Variants in POLR3G observed in about 807,000 individuals in gnomAD.
POLR3G encodes the protein RNA polymerase III subunit G.
POLR3G carries 28 observed loss-of-function variants against 30.1 expected under a neutral mutation model. The observed-to-expected ratio is 0.93, with a 90% CI of 0.69 to 1.27. The LOEUF is 1.27. Among genes scored for constraint, POLR3G ranks in the 50% most tolerant of loss-of-function variants. The pLI is 0.00. For synonymous variants in POLR3G, 79 were observed against 82.5 expected (o/e 0.96, Z 0.23); for missense variants, 254 against 264.6 (o/e 0.96, Z 0.28).
At chr5:90,477,105 A>G (rs1750864664) in intron 1 of POLR3G, among the ~76,000 whole-genome samples, 1 of 152,224 alleles carries the variant, frequency 6.6e-6, no homozygotes, top group Non-Finnish European at 1.5e-5. Context: ...ATGATTGTAA[A>G]AAGGGCTTAA....
intron 1 of POLR3G, 116 bp from the exon 2 acceptor site, chr5:90,485,409 G>A (rs1240717330): frequency 3.3e-6 from 2 of 599,916 alleles, no homozygotes; most frequent in African/African-American, 3.8e-5. Flanking sequence ...TACATGTTTT[G>A]CTTTCCAAAA....
At chr5:90,508,318 TTCC>T (rs570930436) in intron 7 of POLR3G, among the ~76,000 whole-genome samples, 209 of 151,624 alleles carry the variant, frequency 1.4e-3, no homozygotes, top group African/African-American at 4.9e-3. Context: ...AGTGTCTTCC[TTCC>T]TCCTCCTCTT....
At chr5:90,502,473 T>TA (rs140952617) in intron 6 of POLR3G, 5 of 700,182 alleles carry the variant, frequency 7.1e-6, no homozygotes, top group Non-Finnish European at 8.8e-6. Flanking sequence ...ATTTCAAAAA[T>TA]AAAAAAATGT....
chr5:90,481,581 A>T (rs1039777091), intron 1 of POLR3G, among the ~76,000 whole-genome samples: 1 of 152,210 alleles, frequency 6.6e-6, no homozygotes, highest in African/African-American at 2.4e-5. Flanking sequence ...TCTGCCTTTT[A>T]ACAAGATTCC....
In POLR3G at chr5:90,506,535, A is replaced by G; in HGVS notation, c.446A>G (p.Glu149Gly). The change falls in exon 7 of 8, where the codon GAA (glutamate) becomes GGA (glycine). Residue 149 changes from glutamate (E) to glycine (G), a missense_variant. By Grantham distance (98) the Glu-to-Gly change is moderately conservative (BLOSUM62 -2). Transcript: ENST00000651687. ...EDVLKKMEEL[E>G]KRGDGEKSDE... ...GAAACTCACTTATACCAGGAATTGG[A>G]AAAAAGAGGTGATGGTGAAAAATCA... The G allele has an allele frequency of 6.2e-7, 1 of 1,612,014 alleles. No homozygotes were observed.
chr5:90,506,270 G>A (rs1580219568), intron 6 of POLR3G, among the ~76,000 whole-genome samples: 1 of 152,212 alleles, frequency 6.6e-6, no homozygotes, highest in East Asian at 1.9e-4. Flanking sequence ...ATAAAGCATT[G>A]TGCATTAGAG....
chr5:90,503,872 G>T (rs1490029859), intron 6 of POLR3G, among the ~76,000 whole-genome samples: 4 of 152,166 alleles, frequency 2.6e-5, no homozygotes, highest in African/African-American at 7.2e-5. Flanking sequence ...CTGTAAGGCT[G>T]TATAATATTT....
rs1438669596 is a variant in POLR3G at position 90,513,797 on chromosome 5, C to T, written c.*1658C>T. 1 of 152,150 alleles carries T rather than the reference C, an allele frequency of 6.6e-6. No individual in the cohort carries two copies. The highest frequency in any genetic ancestry group is 1.5e-5 in the Non-Finnish European group (1 of 68,018). The allele number at this position is 152,150 out of a possible 1,614,324, so 9.4% of individuals were successfully genotyped here. On this transcript the variant is annotated 3_prime_UTR_variant, in exon 8 of 8. Coordinates refer to ENST00000651687, the MANE Select transcript of POLR3G (RefSeq NM_006467.3). Reference sequence around the variant, plus strand: ...AAATTTTAAGATTCTAAATGGAATACACGAATAAAGTAAGCCTTAGAATAG... The same window carrying T: ...AAATTTTAAGATTCTAAATGGAATATACGAATAAAGTAAGCCTTAGAATAG...
chr5:90,483,274 T>C (rs1751242186), intron 1 of POLR3G, among the ~76,000 whole-genome samples: 1 of 152,196 alleles, frequency 6.6e-6, no homozygotes, highest in East Asian at 1.9e-4. Flanking sequence ...AATTCCCCTG[T>C]CTTGATAAAT....
chr5:90,485,154 C>T (rs2562519), intron 1 of POLR3G, among the ~76,000 whole-genome samples: 107,174 of 152,110 alleles, frequency 0.7, 38,290 homozygotes, highest in Admixed American at 0.77. Context: ...GTATATATGA[C>T]TAATGATAGT....
In POLR3G at chr5:90,482,168, G is replaced by A. The variant is rs77842351; in HGVS notation, c.-43-3357G>A. 2.2e-3 allele frequency among the ~76,000 whole-genome samples: 329 copies of A among 152,294 alleles called. 13 individuals carry two copies. The East Asian group carries it at 0.057, about 26-fold the overall frequency. On this transcript the variant is annotated intron_variant, in intron 1 of 7. Transcript: ENST00000651687. ...TGGAGGCCTGCAGGGATAAATTTAC[G>A]AAATGAATAATGTAAAACTATGAAA...
intron 1 of POLR3G, among the ~76,000 whole-genome samples, chr5:90,477,940 A>G (rs1750917503): frequency 6.6e-6 from 1 of 152,204 alleles, no homozygotes; most frequent in African/African-American, 2.4e-5. Context: ...AAGAGGATGA[A>G]GTAAAGTTAC....
In POLR3G at chr5:90,501,220, T is replaced by G. The variant is rs886482760; in HGVS notation, c.356-686T>G. 9.8e-5 allele frequency among the ~76,000 whole-genome samples: 15 copies of G among 152,346 alleles called. 1 individual carries two copies. In the East Asian group the frequency reaches 2.9e-3, roughly 29 times the overall value. Reference sequence around the variant, plus strand: ...ATTTGAAGTACAGACACTTTACATTTTTTGCACATATATATTTAAGGCAGA... The same window carrying G: ...ATTTGAAGTACAGACACTTTACATTGTTTGCACATATATATTTAAGGCAGA... On this transcript the variant is annotated intron_variant, in intron 5 of 7. Transcript: ENST00000651687.
chr5:90,475,069 G>A (rs1197819515), intron 1 of POLR3G, 49 bp downstream of exon 1: 1 of 152,264 alleles, frequency 6.6e-6, no homozygotes, highest in Non-Finnish European at 1.5e-5. Flanking sequence ...GAGGGTAGAG[G>A]GGAATTAAAG....
At chr5:90,507,168 A>G (rs1752527109) in intron 7 of POLR3G, among the ~76,000 whole-genome samples, 1 of 152,188 alleles carries the variant, frequency 6.6e-6, no homozygotes, top group Non-Finnish European at 1.5e-5. Context: ...AACTTTTAGA[A>G]TGAAATGCAC....
At chr5:90,508,200 G>T (rs1752579247) in intron 7 of POLR3G, among the ~76,000 whole-genome samples, 2 of 151,984 alleles carry the variant, frequency 1.3e-5, no homozygotes, top group African/African-American at 4.8e-5. Flanking sequence ...ATTTCCCTTT[G>T]TTTACTACCT....
intron 4 of POLR3G, 90 bp from the exon 5 acceptor site, chr5:90,497,566 G>T: frequency 7.0e-7 from 1 of 1,430,094 alleles, no homozygotes; most frequent in South Asian, 1.4e-5. Context: ...GTCATTTTCT[G>T]GACAACTGTT....
At position 90,497,706 on chromosome 5, in the gene POLR3G, G is replaced by T; in HGVS notation, c.355G>T (p.Ala119Ser). 2 of 1,603,274 alleles carry T rather than the reference G, an allele frequency of 1.2e-6. No individual in the cohort carries two copies. The highest frequency in any genetic ancestry group is 1.7e-6 in the Non-Finnish European group (2 of 1,175,052). ...EMMPRNKCKK[A>S]GPKPKKAKDA... ...GATGCCAAGAAATAAATGTAAAAAA[G>T]GTACATTGACTAATATAATAGTAAT... The change falls in exon 5 of 8, where the codon GCA (alanine) becomes TCA (serine). Residue 119 changes from alanine to serine, a missense_variant and splice_region_variant. By Grantham distance (99) the Ala-to-Ser change is moderately conservative (BLOSUM62 1). Transcript: ENST00000651687.
At chr5:90,488,855 A>C (rs1180777941) in intron 3 of POLR3G, among the ~76,000 whole-genome samples, 2 of 152,204 alleles carry the variant, frequency 1.3e-5, no homozygotes, top group Non-Finnish European at 2.9e-5. Context: ...GAGAGGGCTC[A>C]ACAGTCTCAG....
Sources: gnomAD v4.1 joint callset for allele counts (sites outside exome capture counted in the v4.1 genomes callset) on GRCh38, gnomAD v4.1.1 for gene constraint, MANE v1.5 for transcripts, NCBI Gene and HGNC (gene_info 2026-07-23, HGNC 2026-07-21) for gene names.